The following RSU1 variants were observed in gnomAD, a reference collection of about 807,000 sequenced individuals.
The protein encoded by RSU1 is Ras suppressor protein 1, also known as rsu-1.
RSU1 carries 26 observed loss-of-function variants against 31.1 expected under a neutral mutation model. The ratio of observed to expected loss-of-function variants is 0.84; its 90% CI spans 0.61 to 1.16. The LOEUF (loss-of-function observed/expected upper bound fraction) is 1.16, where lower values mean the gene tolerates loss of function less well. RSU1 is among the 50% of genes most tolerant of loss of function. The pLI is 0.00. For synonymous variants in RSU1, 164 were observed against 136.3 expected (o/e 1.20, Z -1.41); for missense variants, 320 against 339.1 (o/e 0.94, Z 0.44).
rs186936228 is a variant in RSU1 at position 16,745,970 on chromosome 10, T to A, written c.598+6569A>T. 1.3e-3 allele frequency among the ~76,000 whole-genome samples: 192 copies of A among 152,332 alleles called. 1 individual carries two copies. The highest frequency in any genetic ancestry group is 3.8e-3 in the African/African-American group (160 of 41,568). On this transcript the variant is annotated intron_variant, in intron 7 of 8. Coordinates refer to ENST00000345264, the MANE Select transcript of RSU1 (RefSeq NM_012425.4). ...TAATTGACCAAACAAATACTGGATT[T>A]TCTTCTTCCCTGCCTCAGAAAAGAA...
intron 2 of RSU1, among the ~76,000 whole-genome samples, chr10:16,786,868 G>A (rs1005142241): frequency 3.9e-5 from 6 of 152,162 alleles, no homozygotes; most frequent in Admixed American, 1.3e-4. Context: ...TCATCTGCAA[G>A]GACACCTGGA....
At position 16,610,190 on chromosome 10, in the gene RSU1, T is replaced by C. The variant is rs1262299432; in HGVS notation, c.732-16694A>G. ...TATGTCTTTGAACTCTGGTGAGTAT[T>C]TTAGAGTTAGAGCACACTGTCCGTC... On this transcript the variant is annotated intron_variant, in intron 8 of 8. Coordinates refer to ENST00000345264, the MANE Select transcript of RSU1 (RefSeq NM_012425.4). Among the ~76,000 whole-genome samples, 6 of 151,712 alleles carry C rather than the reference T, an allele frequency of 4.0e-5. No individual in the cohort carries two copies. The East Asian group carries it at 1.2e-3, about 29-fold the overall frequency.
chr10:16,795,152 G>A (rs780940112), intron 2 of RSU1, among the ~76,000 whole-genome samples: 4 of 151,890 alleles, frequency 2.6e-5, no homozygotes, highest in Non-Finnish European at 4.4e-5. Flanking sequence ...TCAGGAGTTC[G>A]AGACCAGCCT....
intron 2 of RSU1, among the ~76,000 whole-genome samples, chr10:16,798,703 C>T (rs1217692166): frequency 6.6e-6 from 1 of 152,176 alleles, no homozygotes; most frequent in Non-Finnish European, 1.5e-5. Flanking sequence ...ATACAATTTT[C>T]AAACTTTAAA....
chr10:16,594,456 C>T (rs1833571398), intron 8 of RSU1, among the ~76,000 whole-genome samples: 1 of 151,652 alleles, frequency 6.6e-6, no homozygotes, highest in South Asian at 2.1e-4. Context: ...CTCTGCTCCC[C>T]AGGCTGGAGG....
chr10:16,667,996 G>A (rs776469501), intron 8 of RSU1, among the ~76,000 whole-genome samples: 1 of 152,154 alleles, frequency 6.6e-6, no homozygotes, highest in Admixed American at 6.5e-5. Context: ...TGCTAAAGGA[G>A]GAGCAAGGTA....
At chr10:16,718,358 A>G (rs1229831338) in intron 7 of RSU1, among the ~76,000 whole-genome samples, 1 of 152,214 alleles carries the variant, frequency 6.6e-6, no homozygotes, top group Non-Finnish European at 1.5e-5. Flanking sequence ...TTAAACACAA[A>G]ATAACAACCT....
intron 8 of RSU1, among the ~76,000 whole-genome samples, chr10:16,603,465 G>A (rs1833746916): frequency 6.6e-6 from 1 of 152,108 alleles, no homozygotes. Flanking sequence ...AGGATATTAG[G>A]TAAGGTCTTT....
At chr10:16,773,845 A>G (rs1362829622) in intron 3 of RSU1, among the ~76,000 whole-genome samples, 2 of 152,084 alleles carry the variant, frequency 1.3e-5, no homozygotes, top group Non-Finnish European at 2.9e-5. Flanking sequence ...TCTGAAGGAT[A>G]AGCCAAATTC....
chr10:16,615,327 G>C (rs560710602), intron 8 of RSU1, among the ~76,000 whole-genome samples: 1 of 152,020 alleles, frequency 6.6e-6, no homozygotes, highest in African/African-American at 2.4e-5. Flanking sequence ...GCAACAAGAA[G>C]AGCAAACTAT....
intron 2 of RSU1, among the ~76,000 whole-genome samples, chr10:16,791,740 C>T (rs944375600): frequency 2.6e-5 from 4 of 152,088 alleles, no homozygotes; most frequent in African/African-American, 7.2e-5. Context: ...AAATAGGTCC[C>T]GCTTTTTCCT....
intron 8 of RSU1, among the ~76,000 whole-genome samples, chr10:16,625,366 C>T (rs534608042): frequency 5.9e-5 from 9 of 152,270 alleles, no homozygotes; most frequent in Admixed American, 2.0e-4. Context: ...CCCTGCCTCA[C>T]GAAAACAGTG....
At chr10:16,668,601 GT>G (rs927801395) in intron 8 of RSU1, among the ~76,000 whole-genome samples, 41 of 151,970 alleles carry the variant, frequency 2.7e-4, no homozygotes, top group East Asian at 9.6e-4. Context: ...ATTGAACATG[GT>G]TTTTTTTCCC....
At chr10:16,722,208 G>C (rs571227733) in intron 7 of RSU1, among the ~76,000 whole-genome samples, 19 of 152,046 alleles carry the variant, frequency 1.2e-4, no homozygotes, top group Non-Finnish European at 2.2e-4. Flanking sequence ...TTTATCAAAG[G>C]TATGCATGTA....
At chr10:16,738,220 G>A (rs1199208736) in intron 7 of RSU1, among the ~76,000 whole-genome samples, 2 of 152,180 alleles carry the variant, frequency 1.3e-5, no homozygotes, top group Non-Finnish European at 2.9e-5. Flanking sequence ...GCCAAAACAG[G>A]CGGATCATGA....
At chr10:16,625,472 G>A (rs1164359326) in intron 8 of RSU1, among the ~76,000 whole-genome samples, 1 of 152,174 alleles carries the variant, frequency 6.6e-6, no homozygotes, top group East Asian at 1.9e-4. Flanking sequence ...GTGTTCCTGT[G>A]ACGGCAGGGT....
At chr10:16,675,452 G>A (rs995769344) in intron 8 of RSU1, among the ~76,000 whole-genome samples, 11 of 152,014 alleles carry the variant, frequency 7.2e-5, no homozygotes, top group South Asian at 4.2e-4. Flanking sequence ...GAAGGAGGTC[G>A]CTGTTTCTTT....
rs115238686 is a variant in RSU1, at chr10:16,751,502, G to A, written c.598+1037C>T. ...GCTCTGTGTCTCAGTCTTCCTATGCGTAACCATTAGCCACATGAGCCTGCT... is the reference window on the plus strand; with the variant it reads ...GCTCTGTGTCTCAGTCTTCCTATGCATAACCATTAGCCACATGAGCCTGCT... On this transcript the variant is annotated intron_variant, in intron 7 of 8. Coordinates refer to ENST00000345264, the MANE Select transcript of RSU1 (RefSeq NM_012425.4). 8.4e-3 allele frequency among the ~76,000 whole-genome samples: 1,278 copies of A among 152,222 alleles called. 17 individuals carry two copies. The highest frequency in any genetic ancestry group is 0.029 in the African/African-American group (1,213 of 41,532).
At chr10:16,694,640 G>T (rs1222540289) in intron 8 of RSU1, among the ~76,000 whole-genome samples, 1 of 152,124 alleles carries the variant, frequency 6.6e-6, no homozygotes, top group African/African-American at 2.4e-5. Context: ...GCATGACCAC[G>T]ACTCTGTGCA....
Sources: gnomAD v4.1 joint callset for allele counts (sites outside exome capture counted in the v4.1 genomes callset) on GRCh38, gnomAD v4.1.1 for gene constraint, MANE v1.5 for transcripts, NCBI Gene and HGNC (gene_info 2026-07-23, HGNC 2026-07-21) for gene names.